SYNC: variants seen among roughly 807,000 people sequenced by gnomAD.
SYNC encodes syncoilin, intermediate filament protein, also known as syncoilin.
SYNC carries 38 observed loss-of-function variants against 49.5 expected under a neutral mutation model. The ratio of observed to expected loss-of-function variants is 0.77; its 90% CI spans 0.59 to 1.01. The LOEUF is 1.01. Among genes scored for constraint, SYNC ranks in the 50% least tolerant of loss-of-function variants. The pLI, the probability that SYNC is intolerant of heterozygous loss-of-function variation, is 0.00. For synonymous variants in SYNC, 201 were observed against 230.8 expected, an observed-to-expected ratio of 0.87 and a Z score of 1.17; for missense variants, 579 against 580.6, an observed-to-expected ratio of 1.00 and a Z score of 0.03.
At chr1:32,703,380 C>G (rs1201468505), upstream of SYNC, 1 of 152,836 alleles carries the variant, frequency 6.5e-6, no homozygotes, top group Non-Finnish European at 1.5e-5. Flanking sequence ...CTGCCCCACC[C>G]TTTGAGGCTT....
At chr1:32,688,898 T>C (rs1449708700) in intron 2 of SYNC, among the ~76,000 whole-genome samples, 1 of 151,314 alleles carries the variant, frequency 6.6e-6, no homozygotes, top group East Asian at 1.9e-4. Flanking sequence ...TACAAACTCT[T>C]TGAGGGCAGG....
chr1:32,699,904 T>TG, intron 1 of SYNC, among the ~76,000 whole-genome samples: 1 of 151,984 alleles, frequency 6.6e-6, no homozygotes, highest in East Asian at 1.9e-4. Flanking sequence ...GGCTAATTTT[T>TG]TGTATTTTTA....
At chr1:32,697,381 TG>T (rs1216790718) in intron 1 of SYNC, among the ~76,000 whole-genome samples, 1 of 150,048 alleles carries the variant, frequency 6.7e-6, no homozygotes, top group Non-Finnish European at 1.5e-5. Flanking sequence ...GAGGTTGCAG[TG>T]AGACGAGATT....
At position 32,695,971 on chromosome 1, in the gene SYNC, G is replaced by C; in HGVS notation, c.127C>G (p.Pro43Ala). 6.5e-7 allele frequency: 1 copy of C among 1,544,894 alleles called. No homozygotes were observed. The highest frequency in any genetic ancestry group is 8.7e-7 in the Non-Finnish European group (1 of 1,146,984). Residue 43 changes from proline (P) to alanine (A), a missense_variant, in exon 2 of 5, where the codon CCA becomes GCA. Pro to Ala is a conservative substitution (Grantham distance 27). Transcript: ENST00000409190. ...CCCTCTGAAGATAGAGTAACTTCTG[G>C]GTTCAAGGCTTCTGCCTCATTTAGG... is the stretch of plus-strand genomic sequence containing the variant. The part of the protein sequence containing the change: ...GSLNEAEALN[P>A]EVTLSSEGSL...
In SYNC at chr1:32,683,992, TCTC is replaced by T. The variant is rs1649629968; in HGVS notation, c.1438+15_1438+17del. ...GCAGTAACAATGCAAACACCACTCTTCTCTTCACAAAGATCACCTTGAGACTGT... is the reference window on the plus strand; with the variant it reads ...GCAGTAACAATGCAAACACCACTCTTTTCACAAAGATCACCTTGAGACTGT... On this transcript the variant is annotated intron_variant, in intron 4 of 4. Coordinates refer to ENST00000409190, the MANE Select transcript of SYNC (RefSeq NM_030786.3). 6.3e-7 allele frequency: 1 copy of T among 1,597,162 alleles called. No homozygotes were observed. The highest frequency in any genetic ancestry group is 8.6e-7 in the Non-Finnish European group (1 of 1,165,790).
chr1:32,684,295 G>T lies in SYNC; in HGVS notation c.1321C>A (p.Leu441Ile), dbSNP rs764859198. 1 of 1,614,186 alleles carries T rather than the reference G, an allele frequency of 6.2e-7. No homozygotes were observed. Among genetic ancestry groups the T allele is most frequent in the South Asian group, 1.1e-5 (1 of 91,086 alleles). The change falls in exon 3 of 5, where the codon CTA becomes ATA. Residue 441 changes from leucine to isoleucine, a missense_variant. Physicochemically the swap from Leu to Ile is conservative, Grantham distance 5 (BLOSUM62 2). Transcript: ENST00000409190. ...QQQKNKEMEQ[L>I]RLSLAEELST... ...AGCTCTTCAGCAAGACTGAGCCTTA[G>T]CTGTTCCATCTCTTTGTTCTTCTGT...
intron 2 of SYNC, 30 bp from the exon 3 acceptor site, chr1:32,684,412 T>C (rs1649673866): frequency 1.9e-6 from 3 of 1,613,560 alleles, no homozygotes; most frequent in Non-Finnish European, 2.5e-6. Context: ...ACATTTCTAA[T>C]GAGCCAAACA....
intron 2 of SYNC, among the ~76,000 whole-genome samples, chr1:32,690,813 G>C (rs751201964): frequency 6.6e-6 from 1 of 151,796 alleles, no homozygotes; most frequent in Admixed American, 6.6e-5. Flanking sequence ...AGGGCCGGGC[G>C]TGGTGACTCA....
chr1:32,691,704 A>C (rs1412972446), intron 2 of SYNC, among the ~76,000 whole-genome samples: 2 of 152,204 alleles, frequency 1.3e-5, no homozygotes, highest in Non-Finnish European at 2.9e-5. Flanking sequence ...GAGTTAGATA[A>C]AATATATTTA....
At chr1:32,687,499 C>T (rs1462922690) in intron 2 of SYNC, among the ~76,000 whole-genome samples, 1 of 151,626 alleles carries the variant, frequency 6.6e-6, no homozygotes, top group African/African-American at 2.4e-5. Flanking sequence ...GGTGAAACCC[C>T]ATCTCTACTA....
intron 2 of SYNC, among the ~76,000 whole-genome samples, chr1:32,689,070 C>G (rs1463661685): frequency 4.6e-5 from 7 of 151,090 alleles, no homozygotes; most frequent in African/African-American, 1.7e-4. Context: ...TCCCGAGAAG[C>G]TGGGAACACA....
Position 32,681,460 on chromosome 1 carries a change from C to CA in SYNC, c.*389dup, listed in dbSNP as rs1341633692. On this transcript the variant is annotated 3_prime_UTR_variant, in exon 5 of 5. Coordinates refer to ENST00000409190, the MANE Select transcript of SYNC (RefSeq NM_030786.3). ...TCTTTTTGACCCCACATGTGCCCCT[C>CA]AAAAATGTTTTTGGTTTGGGTCAAC... The CA allele has an allele frequency of 9.7e-6, 2 of 207,178 alleles. No individual in the cohort carries two copies. The highest frequency in any genetic ancestry group is 4.6e-5 in the African/African-American group (2 of 43,498). The allele number at this position is 207,178 out of a possible 1,614,324, so 12.8% of individuals were successfully genotyped here.
At chr1:32,700,701 A>G (rs548232486) in intron 1 of SYNC, among the ~76,000 whole-genome samples, 152 of 152,314 alleles carry the variant, frequency 1.0e-3, no homozygotes, top group African/African-American at 1.6e-3. Flanking sequence ...CTGTCTCAAA[A>G]AAAGAAAGAA....
intron 2 of SYNC, among the ~76,000 whole-genome samples, chr1:32,689,470 A>G (rs1009599916): frequency 6.7e-4 from 101 of 151,424 alleles, no homozygotes; most frequent in African/African-American, 2.3e-3. Context: ...TGAACTCCTG[A>G]CCTTGTGATC....
chr1:32,699,046 C>T (rs1196747429), intron 1 of SYNC, among the ~76,000 whole-genome samples: 7 of 151,876 alleles, frequency 4.6e-5, no homozygotes, highest in African/African-American at 1.7e-4. Context: ...TCCCAAAGTG[C>T]TGGGATTACA....
At chr1:32,688,098 G>A (rs1649978192) in intron 2 of SYNC, among the ~76,000 whole-genome samples, 1 of 151,924 alleles carries the variant, frequency 6.6e-6, no homozygotes, top group Non-Finnish European at 1.5e-5. Context: ...GCCTCCCAAA[G>A]TGCTGGGATT....
chr1:32,687,861 A>ATTTTTTTTTTTTTT (rs989517086), intron 2 of SYNC, among the ~76,000 whole-genome samples: 1 of 146,448 alleles, frequency 6.8e-6, no homozygotes, highest in Non-Finnish European at 1.5e-5. Context: ...TATTATTATT[A>ATTTTTTTTTTTTTT]TTTTTTGAGA....
At chr1:32,682,121 G>T in intron 4 of SYNC, 1 of 460,452 alleles carries the variant, frequency 2.2e-6, no homozygotes, top group South Asian at 2.6e-5. Context: ...TCATTTCTTT[G>T]GATTAGTCGT....
intron 1 of SYNC, among the ~76,000 whole-genome samples, chr1:32,699,087 A>G (rs1271498215): frequency 6.7e-6 from 1 of 149,190 alleles, no homozygotes; most frequent in Non-Finnish European, 1.5e-5. Flanking sequence ...GCCACAGGCA[A>G]GAAATCTTCA....
Sources: allele counts gnomAD v4.1 joint callset (sites outside exome capture counted in the v4.1 genomes callset), GRCh38; gene constraint gnomAD v4.1.1; transcripts MANE v1.5; gene names NCBI Gene and HGNC (gene_info 2026-07-23, HGNC 2026-07-21).